Variants in FGF12 observed in about 807,000 individuals in gnomAD.
The protein encoded by FGF12 is fibroblast growth factor 12, also known as fibroblast growth factor 12B.
Under a neutral mutation model 23.6 loss-of-function variants are expected in FGF12, and 14 were observed. That is an observed-to-expected ratio of 0.59 (90% CI 0.39 to 0.93). FGF12 has a LOEUF of 0.93. FGF12 is among the 40% of genes least tolerant of loss of function. The pLI is 0.00. For synonymous variants in FGF12, 62 were observed against 77.3 expected (o/e 0.80, Z 1.04); for missense variants, 175 against 217.8 (o/e 0.80, Z 1.24).
intron 2 of FGF12, among the ~76,000 whole-genome samples, chr3:192,373,032 G>A (rs949351398): frequency 1.3e-5 from 2 of 151,746 alleles, no homozygotes; most frequent in African/African-American, 4.8e-5. Flanking sequence ...TTTCATAGAG[G>A]TCTTGTCTAG....
At chr3:192,306,440 T>A (rs969140579) in intron 4 of FGF12, among the ~76,000 whole-genome samples, 1 of 152,052 alleles carries the variant, frequency 6.6e-6, no homozygotes, top group Non-Finnish European at 1.5e-5. Flanking sequence ...CTGGGTGGCA[T>A]CATAATCACT....
chr3:192,383,605 A>G (rs1375675675), intron 2 of FGF12, among the ~76,000 whole-genome samples: 2 of 152,104 alleles, frequency 1.3e-5, no homozygotes, highest in African/African-American at 4.8e-5. Flanking sequence ...AAAGAAAGAA[A>G]GGACATTATT....
intron 4 of FGF12, among the ~76,000 whole-genome samples, chr3:192,187,871 ATAG>A (rs1255719862): frequency 6.6e-6 from 1 of 152,234 alleles, no homozygotes; most frequent in Non-Finnish European, 1.5e-5. Context: ...GGAAGAAAGA[ATAG>A]TAAGTTTTCC....
At chr3:192,342,921 A>G (rs1268330242) in intron 3 of FGF12, among the ~76,000 whole-genome samples, 3 of 152,194 alleles carry the variant, frequency 2.0e-5, no homozygotes, top group African/African-American at 7.2e-5. Flanking sequence ...GGTAACAGTC[A>G]ATCCAAAACA....
intron 2 of FGF12, among the ~76,000 whole-genome samples, chr3:192,549,113 C>A (rs192696688): frequency 3.4e-4 from 52 of 152,258 alleles, no homozygotes; most frequent in African/African-American, 1.2e-3. Flanking sequence ...GCTAAGAAAT[C>A]TGGATTTTTA....
At chr3:192,344,228 T>C (rs1717839753) in intron 3 of FGF12, among the ~76,000 whole-genome samples, 2 of 152,200 alleles carry the variant, frequency 1.3e-5, no homozygotes, top group African/African-American at 4.8e-5. Flanking sequence ...AAAGCATCAC[T>C]ATCAGTGTTG....
At chr3:192,193,426 A>G (rs1202983255) in intron 4 of FGF12, among the ~76,000 whole-genome samples, 1 of 152,164 alleles carries the variant, frequency 6.6e-6, no homozygotes, top group Admixed American at 6.5e-5. Flanking sequence ...ATTTTCTTCT[A>G]CAGGTAATAA....
At chr3:192,450,313 G>A (rs575758876) in intron 2 of FGF12, among the ~76,000 whole-genome samples, 37 of 152,282 alleles carry the variant, frequency 2.4e-4, no homozygotes, top group African/African-American at 8.4e-4. Flanking sequence ...ATCATACTAT[G>A]TACCAAACCA....
chr3:192,300,152 G>A (rs914731431), intron 4 of FGF12, among the ~76,000 whole-genome samples: 3 of 152,234 alleles, frequency 2.0e-5, no homozygotes, highest in African/African-American at 7.2e-5. Flanking sequence ...CACTGGTATC[G>A]CTGCTAATAG....
At chr3:192,287,493 G>A (rs762101386) in intron 4 of FGF12, among the ~76,000 whole-genome samples, 1 of 152,014 alleles carries the variant, frequency 6.6e-6, no homozygotes. Context: ...TTGCATCAAA[G>A]CAGACTAGAA....
At chr3:192,540,952 C>T (rs551164570) in intron 2 of FGF12, among the ~76,000 whole-genome samples, 2 of 152,100 alleles carry the variant, frequency 1.3e-5, no homozygotes, top group African/African-American at 4.8e-5. Context: ...GTAAGTATAG[C>T]TATTGCTGCT....
chr3:192,617,840 A>G (rs1369880071), intron 2 of FGF12, among the ~76,000 whole-genome samples: 1 of 152,148 alleles, frequency 6.6e-6, no homozygotes, highest in Non-Finnish European at 1.5e-5. Flanking sequence ...ACAGGGTCCG[A>G]AACCCACATG....
At chr3:192,720,829 A>T (rs531727205) in intron 2 of FGF12, among the ~76,000 whole-genome samples, 8 of 152,300 alleles carry the variant, frequency 5.3e-5, no homozygotes, top group African/African-American at 1.9e-4. Flanking sequence ...GAGGACATAC[A>T]TCATCACCTG....
chr3:192,270,786 G>GGGAAGGAAGGAAGGAA lies in FGF12; in HGVS notation c.228+64559_228+64574dup, dbSNP rs57509999. ...ATGAATGGATGGAGGGAAGAAAAGT[G>GGGAAGGAAGGAAGGAA]GGAAGGAAGGAAGGAAGGAAGGAAG... On this transcript the variant is annotated intron_variant, in intron 4 of 5. Coordinates refer to ENST00000445105, the MANE Select transcript of FGF12 (RefSeq NM_004113.6). Among the ~76,000 whole-genome samples the GGGAAGGAAGGAAGGAA allele has an allele frequency of 7.1e-4, 107 of 149,916 alleles. 1 individual carries two copies. Among genetic ancestry groups the GGGAAGGAAGGAAGGAA allele is most frequent in the African/African-American group, 2.3e-3 (93 of 40,592 alleles).
rs1714362480 is a variant in FGF12, at chr3:192,606,998, A to AC, written c.13+120182dup. Among the ~76,000 whole-genome samples, 4 of 151,888 alleles carry AC rather than the reference A, an allele frequency of 2.6e-5. No individual in the cohort carries two copies. The South Asian group carries it at 8.3e-4, about 32-fold the overall frequency. On this transcript the variant is annotated intron_variant, in intron 2 of 5. Coordinates refer to ENST00000445105, the MANE Select transcript of FGF12 (RefSeq NM_004113.6). ...GAATGCAGAGACAGCTTCAAGGACAACCCCCTCCCCCAACACACACGCAGG... is the reference window on the plus strand; with the variant it reads ...GAATGCAGAGACAGCTTCAAGGACAACCCCCCTCCCCCAACACACACGCAGG...
chr3:192,242,633 T>C (rs1719682823), intron 4 of FGF12, among the ~76,000 whole-genome samples: 1 of 152,056 alleles, frequency 6.6e-6, no homozygotes, highest in African/African-American at 2.4e-5. Context: ...AATATTATAT[T>C]AAAGTAAAAT....
intron 4 of FGF12, among the ~76,000 whole-genome samples, chr3:192,248,531 T>C (rs1190229237): frequency 6.6e-6 from 1 of 152,184 alleles, no homozygotes; most frequent in African/African-American, 2.4e-5. Flanking sequence ...CTTTAATTAT[T>C]TGTAGCAGTC....
chr3:192,540,411 G>A (rs1432404832), intron 2 of FGF12, among the ~76,000 whole-genome samples: 1 of 151,922 alleles, frequency 6.6e-6, no homozygotes, highest in Non-Finnish European at 1.5e-5. Flanking sequence ...GGTCATTAAG[G>A]AACATACTGT....
intron 2 of FGF12, among the ~76,000 whole-genome samples, chr3:192,475,250 C>A (rs1022476603): frequency 1.3e-5 from 2 of 151,054 alleles, no homozygotes. Flanking sequence ...CGCCAGGTAA[C>A]CCTAATCAGT....
Sources: gnomAD v4.1 joint callset for allele counts (sites outside exome capture counted in the v4.1 genomes callset) on GRCh38, gnomAD v4.1.1 for gene constraint, MANE v1.5 for transcripts, NCBI Gene and HGNC (gene_info 2026-07-23, HGNC 2026-07-21) for gene names.